The following HS3ST4 variants were observed in gnomAD, a reference collection of about 807,000 sequenced individuals.
HS3ST4 encodes the protein heparan sulfate-glucosamine 3-sulfotransferase 4.
A neutral mutation model predicts 29.2 loss-of-function variants in HS3ST4; 17 were observed. The ratio of observed to expected loss-of-function variants is 0.58; its 90% CI spans 0.40 to 0.87. The LOEUF is 0.87. HS3ST4 is among the 40% of genes least tolerant of loss of function. HS3ST4 has a pLI of 0.00. For synonymous variants in HS3ST4, 314 were observed against 285.7 expected (o/e 1.10, Z -1.00); for missense variants, 627 against 634.5 (o/e 0.99, Z 0.13).
At chr16:26,110,868 G>A (rs904022266) in intron 1 of HS3ST4, among the ~76,000 whole-genome samples, 3 of 151,874 alleles carry the variant, frequency 2.0e-5, no homozygotes, top group African/African-American at 7.3e-5. Flanking sequence ...TCTTGTCTGC[G>A]TGCACAACAC....
At chr16:26,135,437 C>T (rs921199686) in intron 1 of HS3ST4, among the ~76,000 whole-genome samples, 175 bp from the exon 2 acceptor site, 5 of 152,102 alleles carry the variant, frequency 3.3e-5, no homozygotes, top group African/African-American at 7.2e-5. Context: ...TCTGATAATA[C>T]GTAGCCAGGG....
At chr16:25,791,984 A>C (rs1484307523) in intron 1 of HS3ST4, among the ~76,000 whole-genome samples, 1 of 151,972 alleles carries the variant, frequency 6.6e-6, no homozygotes, top group Non-Finnish European at 1.5e-5. Flanking sequence ...AGTTATGATC[A>C]TTGCTCTAGG....
intron 1 of HS3ST4, among the ~76,000 whole-genome samples, chr16:25,758,982 A>AG (rs1479432412): frequency 1.8e-5 from 2 of 113,146 alleles, no homozygotes; most frequent in Non-Finnish European, 4.4e-5. Context: ...AAAAAAACAA[A>AG]AAAAAACCCC....
intron 1 of HS3ST4, among the ~76,000 whole-genome samples, chr16:25,987,705 G>A (rs1391463012): frequency 6.6e-6 from 1 of 152,174 alleles, no homozygotes; most frequent in African/African-American, 2.4e-5. Flanking sequence ...TCATTCTGTG[G>A]AGTCCTACCT....
intron 1 of HS3ST4, among the ~76,000 whole-genome samples, chr16:26,003,556 GC>G (rs1969230742): frequency 6.6e-6 from 1 of 152,174 alleles, no homozygotes; most frequent in Non-Finnish European, 1.5e-5. Context: ...AGACTTGGAT[GC>G]CCCCAGTTTA....
At chr16:26,042,309 G>A (rs73514536) in intron 1 of HS3ST4, among the ~76,000 whole-genome samples, 2,530 of 151,998 alleles carry the variant, frequency 0.017, 68 homozygotes, top group African/African-American at 0.056. Flanking sequence ...AAAGAAAGTG[G>A]CTGTTTAACC....
At chr16:25,978,943 T>TTTTG (rs1555476132) in intron 1 of HS3ST4, among the ~76,000 whole-genome samples, 2 of 1,280 alleles carry the variant, frequency 1.6e-3, no homozygotes, top group East Asian at 5.8e-3. Context: ...TCTCTTTTTG[T>TTTTG]TTTTTTTTTT....
chr16:25,770,313 A>C (rs1966840237), intron 1 of HS3ST4, among the ~76,000 whole-genome samples: 1 of 152,218 alleles, frequency 6.6e-6, no homozygotes, highest in Non-Finnish European at 1.5e-5. Flanking sequence ...GATGATAAGT[A>C]AAATAGCTAG....
intron 1 of HS3ST4, among the ~76,000 whole-genome samples, chr16:25,869,402 A>C (rs534326332): frequency 6.6e-6 from 1 of 152,306 alleles, no homozygotes; most frequent in South Asian, 2.1e-4. Flanking sequence ...TGCTGAAGGA[A>C]GACCCCTCAG....
chr16:25,708,573 T>A (rs1482611978), intron 1 of HS3ST4, among the ~76,000 whole-genome samples: 1 of 152,194 alleles, frequency 6.6e-6, no homozygotes, highest in Non-Finnish European at 1.5e-5. Context: ...AAGCAATTAA[T>A]ATTAAGAAAT....
Position 25,947,066 on chromosome 16 carries a change from A to AGT in HS3ST4, c.735-188534_735-188533dup, listed in dbSNP as rs939923886. Among the ~76,000 whole-genome samples, 7 of 152,048 alleles carry AGT rather than the reference A, an allele frequency of 4.6e-5. No individual in the cohort carries two copies. In the South Asian group the frequency reaches 6.2e-4, roughly 14 times the overall value. ...GAATACATTAGAAAGGTATTAAGCAAGTGTGTGTGTGTGGTGATGGGGAGT... is the reference window on the plus strand; with the variant it reads ...GAATACATTAGAAAGGTATTAAGCAAGTGTGTGTGTGTGTGGTGATGGGGAGT... On this transcript the variant is annotated intron_variant, in intron 1 of 1. Coordinates refer to ENST00000331351, the MANE Select transcript of HS3ST4 (RefSeq NM_006040.3).
At chr16:25,715,801 G>A (rs1168643087) in intron 1 of HS3ST4, among the ~76,000 whole-genome samples, 1 of 152,196 alleles carries the variant, frequency 6.6e-6, no homozygotes, top group Non-Finnish European at 1.5e-5. Context: ...GAGTCCCTCT[G>A]TCCATGATTT....
intron 1 of HS3ST4, among the ~76,000 whole-genome samples, chr16:26,061,254 A>G (rs1433257466): frequency 6.6e-6 from 1 of 152,258 alleles, no homozygotes; most frequent in African/African-American, 2.4e-5. Flanking sequence ...CATCTCAAAA[A>G]GCACTAATAA....
At chr16:25,963,290 C>T (rs768925753) in intron 1 of HS3ST4, among the ~76,000 whole-genome samples, 26 of 152,024 alleles carry the variant, frequency 1.7e-4, no homozygotes, top group Admixed American at 3.3e-4. Context: ...AACTCTAGTT[C>T]GTCATGTTCC....
chr16:25,826,239 CCTT>C (rs1967213361), intron 1 of HS3ST4: 1 of 152,252 alleles, frequency 6.6e-6, no homozygotes, highest in African/African-American at 2.4e-5. Flanking sequence ...CTCAAGAACT[CCTT>C]CAGGCTTCAG....
rs548854078 is a variant in HS3ST4, at chr16:25,986,952, A to G, written c.735-148660A>G. Among the ~76,000 whole-genome samples the G allele has an allele frequency of 1.4e-3, 211 of 152,362 alleles. 1 individual carries two copies. The highest frequency in any genetic ancestry group is 6.8e-3 in the Middle Eastern group (2 of 294). On this transcript the variant is annotated intron_variant, in intron 1 of 1. Coordinates refer to ENST00000331351, the MANE Select transcript of HS3ST4 (RefSeq NM_006040.3). ...ACATAAGCCATAAATCATTGATCAG[A>G]AACAGGTTGTTAATCGGTCTGGTTA...
At chr16:25,894,370 G>A (rs570149911) in intron 1 of HS3ST4, among the ~76,000 whole-genome samples, 11 of 152,292 alleles carry the variant, frequency 7.2e-5, no homozygotes, top group Non-Finnish European at 1.5e-4. Flanking sequence ...TGATGTTGTG[G>A]GAGGCAAGGT....
At chr16:26,089,706 C>T (rs1399969335) in intron 1 of HS3ST4, among the ~76,000 whole-genome samples, 1 of 152,142 alleles carries the variant, frequency 6.6e-6, no homozygotes, top group East Asian at 1.9e-4. Flanking sequence ...CACTTAAGGC[C>T]CGTTGTTTTG....
intron 1 of HS3ST4, among the ~76,000 whole-genome samples, chr16:26,043,476 C>T (rs1025360942): frequency 5.3e-5 from 8 of 152,058 alleles, no homozygotes; most frequent in African/African-American, 1.9e-4. Flanking sequence ...TGATCTGGGG[C>T]AAGTTGCTTT....
Sources: allele counts gnomAD v4.1 joint callset (sites outside exome capture counted in the v4.1 genomes callset), GRCh38; gene constraint gnomAD v4.1.1; transcripts MANE v1.5; gene names NCBI Gene and HGNC (gene_info 2026-07-23, HGNC 2026-07-21).